The following TRPC4AP variants were observed in gnomAD, a reference collection of about 807,000 sequenced individuals.
TRPC4AP encodes the protein transient receptor potential cation channel subfamily C member 4 associated protein.
TRPC4AP carries 45 observed loss-of-function variants against 99.0 expected under a neutral mutation model. The ratio of observed to expected loss-of-function variants is 0.45; its 90% CI spans 0.36 to 0.58. The LOEUF (loss-of-function observed/expected upper bound fraction) is 0.58. Ranked by LOEUF, TRPC4AP falls within the 20% of genes least tolerant of loss-of-function variation. TRPC4AP has a pLI of 0.00. For synonymous variants in TRPC4AP, 408 were observed against 385.8 expected (o/e 1.06, Z -0.67); for missense variants, 879 against 985.3 (o/e 0.89, Z 1.44).
rs372876419 is a variant in TRPC4AP, at chr20:35,035,226, G to A, written c.948C>T (p.Ala316=). 1.9e-6 allele frequency: 3 copies of A among 1,614,054 alleles called. No homozygotes were observed. In the African/African-American group the frequency reaches 4.0e-5, roughly 22 times the overall value. The change falls in exon 8 of 19, where the codon GCC becomes GCT. Residue 316 remains alanine (A), a synonymous_variant. Coordinates refer to ENST00000252015, the MANE Select transcript of TRPC4AP (RefSeq NM_015638.3). The part of the protein sequence containing the change: ...TRKVSESTGT[A]SFLQELEEWY... ...ACTCTTCCAACTCCTGAAGGAAGCT[G>A]GCTGTGCCCGTTGACTCTGACACCT...
chr20:35,058,601 G>A (rs1477301580), intron 3 of TRPC4AP, among the ~76,000 whole-genome samples: 1 of 151,774 alleles, frequency 6.6e-6, no homozygotes, highest in Non-Finnish European at 1.5e-5. Context: ...ATCCAAGAAG[G>A]ATGAAAATAC....
intron 1 of TRPC4AP, among the ~76,000 whole-genome samples, chr20:35,084,800 C>T (rs956333450): frequency 4.7e-5 from 7 of 149,350 alleles, no homozygotes; most frequent in Non-Finnish European, 1.0e-4. Context: ...TATATTTATC[C>T]TTCAATTTAA....
At chr20:35,045,353 G>A (rs58968594) in intron 6 of TRPC4AP, among the ~76,000 whole-genome samples, 1,612 of 152,136 alleles carry the variant, frequency 0.011, 40 homozygotes, top group African/African-American at 0.037. Flanking sequence ...ACTTCCCGCC[G>A]TTTTACCCCA....
chr20:35,016,058 C>T lies in TRPC4AP; in HGVS notation c.1300G>A (p.Ala434Thr), dbSNP rs2082747558. The change falls in exon 10 of 19, where the codon GCA becomes ACA. Residue 434 changes from alanine (A) to threonine (T), a missense_variant. Physicochemically the swap from Ala to Thr is moderately conservative, Grantham distance 58 (BLOSUM62 0). Coordinates refer to ENST00000252015, the MANE Select transcript of TRPC4AP (RefSeq NM_015638.3). ...TGACCATGGAGGACAAGGGCAGATGCTGAATGCTTCCTCCAAATCAGTTTG... is the reference window on the plus strand; with the variant it reads ...TGACCATGGAGGACAAGGGCAGATGTTGAATGCTTCCTCCAAATCAGTTTG... ...FDKLIWRKHS[A>T]SALVLHGHNQ... 6.2e-7 allele frequency: 1 copy of T among 1,614,194 alleles called. No individual in the cohort carries two copies. The highest frequency in any genetic ancestry group is 1.3e-5 in the African/African-American group (1 of 75,054).
chr20:35,003,082 C>T lies in TRPC4AP; in HGVS notation c.*64G>A, dbSNP rs963092700. On this transcript the variant is annotated 3_prime_UTR_variant, in exon 19 of 19. Coordinates refer to ENST00000252015, the MANE Select transcript of TRPC4AP (RefSeq NM_015638.3). ...AGGGAGGAACGGGAACAGGGCAGGG[C>T]GTGTGGCATCGTACCCACGCTCACC... 7.7e-5 allele frequency: 123 copies of T among 1,595,406 alleles called. No individual in the cohort carries two copies. The highest frequency in any genetic ancestry group is 6.7e-5 in the South Asian group (6 of 89,112).
At chr20:35,030,227 G>A (rs1311551371) in intron 8 of TRPC4AP, 4 of 111,990 alleles carry the variant, frequency 3.6e-5, no homozygotes, top group Non-Finnish European at 6.8e-5. Flanking sequence ...AGTAACAAGA[G>A]CGAAACTCCA....
chr20:35,060,584 CCAA>C (rs1187863691), intron 3 of TRPC4AP, among the ~76,000 whole-genome samples: 38 of 45,882 alleles, frequency 8.3e-4, no homozygotes, highest in African/African-American at 1.3e-3. Context: ...GACCTTGTCT[CCAA>C]AAAAAAAAAA....
intron 2 of TRPC4AP, among the ~76,000 whole-genome samples, chr20:35,071,552 G>A (rs563099767): frequency 5.3e-5 from 8 of 151,290 alleles, no homozygotes; most frequent in African/African-American, 1.9e-4. Flanking sequence ...TGTCCTTAAC[G>A]ATAGTTTGCT....
At chr20:35,034,340 G>A (rs1255569480) in intron 8 of TRPC4AP, among the ~76,000 whole-genome samples, 1 of 151,932 alleles carries the variant, frequency 6.6e-6, no homozygotes, top group Non-Finnish European at 1.5e-5. Context: ...GCCTCTCCCA[G>A]TGTAAAACCT....
chr20:35,036,491 G>A (rs1311495423), intron 7 of TRPC4AP, among the ~76,000 whole-genome samples: 2 of 152,186 alleles, frequency 1.3e-5, no homozygotes, highest in African/African-American at 2.4e-5. Context: ...AGGATATCAA[G>A]GGATTACTAT....
At chr20:35,089,361 G>A (rs11905354) in intron 1 of TRPC4AP, among the ~76,000 whole-genome samples, 20,909 of 150,866 alleles carry the variant, frequency 0.14, 1,830 homozygotes, top group African/African-American at 0.25. Context: ...TGAGCAGCTG[G>A]GACTACAGGC....
At chr20:35,014,424 T>C (rs892953939) in intron 10 of TRPC4AP, among the ~76,000 whole-genome samples, 1 of 148,672 alleles carries the variant, frequency 6.7e-6, no homozygotes, top group Non-Finnish European at 1.5e-5. Flanking sequence ...TTCAAGCAAT[T>C]CTGGTGGCCG....
Position 35,092,687 on chromosome 20 carries a change from G to A in TRPC4AP, c.95C>T (p.Pro32Leu), listed in dbSNP as rs1250903344. The change falls in exon 1 of 19, where the codon CCG becomes CTG. Residue 32 changes from proline to leucine, a missense_variant. Pro to Leu is a moderately conservative substitution (Grantham distance 98). Coordinates refer to ENST00000252015, the MANE Select transcript of TRPC4AP (RefSeq NM_015638.3). ...CTGCAGCAGAATGTTACCAGGCCGC[G>A]GCCGGCCGCCCCATCCGCCCCAAGC... ...VAAWGGWGGR[P>L]RPGNILLQLR... 1.3e-6 allele frequency: 2 copies of A among 1,533,980 alleles called. No homozygotes were observed. Among genetic ancestry groups the A allele is most frequent in the South Asian group, 1.2e-5 (1 of 84,136 alleles).
intron 7 of TRPC4AP, among the ~76,000 whole-genome samples, chr20:35,043,035 C>A (rs1354833313): frequency 7.1e-6 from 1 of 141,824 alleles, no homozygotes; most frequent in Non-Finnish European, 1.6e-5. Flanking sequence ...TGACTTAATA[C>A]AAAAACTATA....
intron 10 of TRPC4AP, among the ~76,000 whole-genome samples, chr20:35,014,015 G>A (rs936128835): frequency 1.3e-5 from 2 of 152,128 alleles, no homozygotes; most frequent in African/African-American, 4.8e-5. Flanking sequence ...AAGCAAAAGT[G>A]CCCTGTAGAA....
At position 35,068,974 on chromosome 20, in the gene TRPC4AP, C is replaced by A. The variant is rs1327526966; in HGVS notation, c.414+322G>T. On this transcript the variant is annotated intron_variant, in intron 3 of 18. Coordinates refer to ENST00000252015, the MANE Select transcript of TRPC4AP (RefSeq NM_015638.3). ...ACACACACACACACACACACACACA[C>A]ACACAAAAAAAACAAAACATCTTAA... Among the ~76,000 whole-genome samples the A allele has an allele frequency of 9.2e-3, 482 of 52,246 alleles. 5 individuals carry two copies. Among genetic ancestry groups the A allele is most frequent in the African/African-American group, 0.03 (216 of 7,322 alleles). 34.3% of individuals were successfully genotyped at this position (52,246 alleles called of 152,430 possible). A position where few individuals can be genotyped will look rare whatever the true frequency, so the allele number is the denominator to read the frequency against.
At chr20:35,057,635 G>A (rs1290587050) in intron 3 of TRPC4AP, 64 bp from the exon 4 acceptor site, 1 of 1,398,972 alleles carries the variant, frequency 7.1e-7, no homozygotes, top group African/African-American at 1.4e-5. Flanking sequence ...AAATGATTTT[G>A]CCATAACCAT....
chr20:35,051,325 G>GTCTCA (rs1180404498), intron 5 of TRPC4AP, among the ~76,000 whole-genome samples: 1 of 152,046 alleles, frequency 6.6e-6, no homozygotes, highest in Admixed American at 6.6e-5. Context: ...TAGAGACAGG[G>GTCTCA]TCTCACTCTG....
chr20:35,087,810 G>A (rs1239789167), intron 1 of TRPC4AP, among the ~76,000 whole-genome samples: 4 of 152,108 alleles, frequency 2.6e-5, no homozygotes, highest in Non-Finnish European at 4.4e-5. Flanking sequence ...ACAAAACGAA[G>A]GGAAGAAAAT....
Sources: allele counts gnomAD v4.1 joint callset (sites outside exome capture counted in the v4.1 genomes callset), GRCh38; gene constraint gnomAD v4.1.1; transcripts MANE v1.5; gene names NCBI Gene and HGNC (gene_info 2026-07-23, HGNC 2026-07-21).